The following AKAP19 variants were observed in gnomAD, a reference collection of about 807,000 sequenced individuals.
AKAP19 encodes small A-kinase anchoring protein.
At chr2:190,102,715 G>A in the AKAP19 span, among the ~76,000 whole-genome samples, 2 of 151,926 alleles carry the variant, frequency 1.3e-5, no homozygotes, top group East Asian at 1.9e-4. Flanking sequence ...CCTACCAACC[G>A]AACAAAGCAC....
the AKAP19 span, among the ~76,000 whole-genome samples, chr2:190,099,639 T>C: frequency 6.6e-6 from 1 of 152,230 alleles, no homozygotes; most frequent in Non-Finnish European, 1.5e-5. Flanking sequence ...ATAGACTTGT[T>C]TGATGCAGAG....
At chr2:190,161,411 A>G in the AKAP19 span, among the ~76,000 whole-genome samples, 3 of 152,154 alleles carry the variant, frequency 2.0e-5, no homozygotes, top group Admixed American at 6.5e-5. Flanking sequence ...AAATCATACC[A>G]AATTTATTTT....
the AKAP19 span, among the ~76,000 whole-genome samples, chr2:189,918,646 C>T: frequency 1.2e-4 from 19 of 152,232 alleles, no homozygotes; most frequent in East Asian, 3.3e-3. Flanking sequence ...CCCAACAATT[C>T]ACCTCTCCAG....
At chr2:190,005,438 C>G in the AKAP19 span, among the ~76,000 whole-genome samples, 1 of 152,174 alleles carries the variant, frequency 6.6e-6, no homozygotes, top group South Asian at 2.1e-4. Flanking sequence ...AATCCTCTAG[C>G]TAGACAGAAA....
the AKAP19 span, among the ~76,000 whole-genome samples, chr2:189,976,094 C>A: frequency 6.6e-6 from 1 of 152,092 alleles, no homozygotes; most frequent in Non-Finnish European, 1.5e-5. Context: ...CTGTTTTTTC[C>A]CCATCTTTGT....
the AKAP19 span, among the ~76,000 whole-genome samples, chr2:189,922,414 C>T: frequency 6.6e-6 from 1 of 152,136 alleles, no homozygotes; most frequent in Non-Finnish European, 1.5e-5. Context: ...AATCCATAAC[C>T]AATATGAGTT....
At chr2:190,105,113 C>T in the AKAP19 span, among the ~76,000 whole-genome samples, 1 of 152,150 alleles carries the variant, frequency 6.6e-6, no homozygotes, top group African/African-American at 2.4e-5. Context: ...ACTGTTTGAC[C>T]CAGCAATTCC....
the AKAP19 span, among the ~76,000 whole-genome samples, chr2:190,021,576 C>A: frequency 2.6e-5 from 4 of 152,194 alleles, no homozygotes; most frequent in Non-Finnish European, 4.4e-5. Flanking sequence ...GCTGTAAGTG[C>A]CTTCAGAATC....
the AKAP19 span, among the ~76,000 whole-genome samples, chr2:189,978,306 ATTGTT>A: frequency 1.3e-5 from 2 of 151,906 alleles, no homozygotes; most frequent in Non-Finnish European, 2.9e-5. Flanking sequence ...CTGTGTACAC[ATTGTT>A]TAGCTCCCAC....
the AKAP19 span, among the ~76,000 whole-genome samples, chr2:189,958,464 AAAT>A: frequency 3.3e-5 from 5 of 150,584 alleles, no homozygotes; most frequent in Admixed American, 6.6e-5. Context: ...AATTTGACAT[AAAT>A]AATATAGTAA....
the AKAP19 span, among the ~76,000 whole-genome samples, chr2:189,933,706 T>G: frequency 6.6e-6 from 1 of 152,192 alleles, no homozygotes; most frequent in East Asian, 1.9e-4. Context: ...TTTTTGAAAT[T>G]TATTAATGAT....
the AKAP19 span, among the ~76,000 whole-genome samples, chr2:190,043,865 CT>C: frequency 2.0e-5 from 3 of 152,294 alleles, no homozygotes; most frequent in African/African-American, 7.2e-5. Context: ...AGTCAATAGA[CT>C]TCTTTTCTGG....
At chr2:190,169,717 C>G in the AKAP19 span, among the ~76,000 whole-genome samples, 1 of 152,164 alleles carries the variant, frequency 6.6e-6, no homozygotes, top group African/African-American at 2.4e-5. Flanking sequence ...TTTGGGGACT[C>G]GGGTTAGCAT....
At chr2:190,009,022 T>A in the AKAP19 span, among the ~76,000 whole-genome samples, 2 of 151,956 alleles carry the variant, frequency 1.3e-5, no homozygotes, top group South Asian at 4.2e-4. Context: ...CAGCAGGAAC[T>A]GTAACACAAA....
the AKAP19 span, among the ~76,000 whole-genome samples, chr2:190,035,300 G>A: frequency 2.0e-4 from 31 of 151,966 alleles, no homozygotes; most frequent in African/African-American, 6.8e-4. Context: ...GCATGGTGGC[G>A]GGCACCTGTA....
chr2:189,977,288 T>G, the AKAP19 span, among the ~76,000 whole-genome samples: 1 of 152,064 alleles, frequency 6.6e-6, no homozygotes, highest in African/African-American at 2.4e-5. Flanking sequence ...ATAATGTAAG[T>G]AACATAGCCA....
chr2:190,041,225 C>G, the AKAP19 span, among the ~76,000 whole-genome samples: 14 of 151,830 alleles, frequency 9.2e-5, no homozygotes, highest in African/African-American at 3.4e-4. Context: ...CATTGTAGAG[C>G]CCTTTCTTCT....
the AKAP19 span, chr2:190,180,985 C>T: frequency 4.1e-6 from 4 of 985,678 alleles, no homozygotes; most frequent in Admixed American, 6.1e-5. The surrounding 1 kb of genome is among the most constrained non-coding windows in gnomAD (Gnocchi z 6.8). Flanking sequence ...AGCAAGCCCC[C>T]CTCCCACGAC....
chr2:190,055,753 A>C, the AKAP19 span: 3 of 152,210 alleles, frequency 2.0e-5, no homozygotes, highest in Admixed American at 2.0e-4. Context: ...TGTTTCTACA[A>C]ATTAGATGTA....
Sources: gnomAD v4.1 joint callset for allele counts (sites outside exome capture counted in the v4.1 genomes callset) on GRCh38, gnomAD v4.1.1 for gene constraint, Gnocchi (gnomAD v3.1) non-coding constraint, MANE v1.5 for transcripts, NCBI Gene and HGNC (gene_info 2026-07-23, HGNC 2026-07-21) for gene names.